PCDH11X: variants seen among roughly 807,000 people sequenced by gnomAD.
The protein encoded by PCDH11X is protocadherin-11 X-linked.
Under a neutral mutation model 53.3 loss-of-function variants are expected in PCDH11X, and 18 were observed. The ratio of observed to expected loss-of-function variants is 0.34; its 90% CI spans 0.23 to 0.50. The LOEUF (loss-of-function observed/expected upper bound fraction) is 0.50. Among genes scored for constraint, PCDH11X ranks in the 20% least tolerant of loss-of-function variants. The pLI is 0.98. For missense variants in PCDH11X, 570 were observed against 1,032.4 expected, an observed-to-expected ratio of 0.55 and a Z score of 6.14; for synonymous variants, 279 against 393.3, an observed-to-expected ratio of 0.71 and a Z score of 3.44.
At chrX:91,865,037 G>A (rs1938890654) in intron 5 of PCDH11X, among the ~76,000 whole-genome samples, 1 of 110,596 alleles carries the variant, frequency 9.0e-6, no homozygotes, top group Non-Finnish European at 1.9e-5. Context: ...TAGTTCATTT[G>A]GTGCGATCAC....
chrX:92,401,224 A>G (rs1170999786), intron 9 of PCDH11X, among the ~76,000 whole-genome samples: 19 of 106,548 alleles, frequency 1.8e-4, no homozygotes, highest in Non-Finnish European at 3.4e-4. Flanking sequence ...TTGCAAACTT[A>G]TAATCAGGCT....
intron 6 of PCDH11X, among the ~76,000 whole-genome samples, chrX:92,186,396 A>C (rs1157593397): frequency 9.0e-6 from 1 of 111,560 alleles, no homozygotes; most frequent in Non-Finnish European, 1.9e-5. Flanking sequence ...TTGGGAGGCC[A>C]AGGCGGGTGC....
intron 10 of PCDH11X, among the ~76,000 whole-genome samples, chrX:92,554,896 C>T (rs1392015990): frequency 9.0e-6 from 1 of 111,273 alleles, no homozygotes; most frequent in Non-Finnish European, 1.9e-5. Flanking sequence ...CCACTTCCCA[C>T]CAAACTTTCC....
At chrX:92,464,742 T>C (rs1280540151) in intron 9 of PCDH11X, among the ~76,000 whole-genome samples, 1 of 110,166 alleles carries the variant, frequency 9.1e-6, no homozygotes, top group African/African-American at 3.3e-5. Context: ...TTGCACTCAA[T>C]AGGAGATTCA....
At chrX:91,790,261 G>T (rs1165419643) in intron 1 of PCDH11X, among the ~76,000 whole-genome samples, 1 of 112,245 alleles carries the variant, frequency 8.9e-6, no homozygotes, top group Admixed American at 9.4e-5. Context: ...CCATTTTGCA[G>T]TCAAATCTAT....
At chrX:92,261,195 A>C (rs2067708425) in intron 7 of PCDH11X, among the ~76,000 whole-genome samples, 1 of 111,129 alleles carries the variant, frequency 9.0e-6, no homozygotes, top group South Asian at 3.8e-4. Flanking sequence ...ATGCACTAGA[A>C]GCTACTCATT....
chrX:92,568,773 A>G lies in PCDH11X; in HGVS notation c.3368-49491A>G, dbSNP rs1921833724. On this transcript the variant is annotated intron_variant, in intron 10 of 10. Transcript: ENST00000682573. ...AAAAAAAATTATAATAAAACTGAGA[A>G]GGAGTCAATAACGAAACATTCAAAG... Among the ~76,000 whole-genome samples the G allele has an allele frequency of 2.7e-5, 3 of 111,210 alleles. No homozygotes were observed. In the Admixed American group the frequency reaches 2.9e-4, roughly 11 times the overall value.
rs1462055650 is a variant in PCDH11X, at chrX:91,904,689, T to C, written c.3033+25416T>C. Among the ~76,000 whole-genome samples, 3 of 111,242 alleles carry C rather than the reference T, an allele frequency of 2.7e-5. No homozygotes were observed. In the Admixed American group the frequency reaches 2.9e-4, roughly 11 times the overall value. Reference sequence around the variant, plus strand: ...GCTCATTTTTTATTTTATTAAATACTCTTCTCAAATAGGATGTTTGATAGC... The same window carrying C: ...GCTCATTTTTTATTTTATTAAATACCCTTCTCAAATAGGATGTTTGATAGC... On this transcript the variant is annotated intron_variant, in intron 6 of 10. Coordinates refer to ENST00000682573, the MANE Select transcript of PCDH11X (RefSeq NM_032968.5).
chrX:92,281,484 A>C (rs2068250682), intron 8 of PCDH11X, among the ~76,000 whole-genome samples: 1 of 112,352 alleles, frequency 8.9e-6, no homozygotes, highest in Non-Finnish European at 1.9e-5. Context: ...GATTATCTTT[A>C]CTAAGTTGGA....
intron 7 of PCDH11X, among the ~76,000 whole-genome samples, chrX:92,230,003 A>C (rs2067037934): frequency 9.0e-6 from 1 of 110,755 alleles, no homozygotes; most frequent in African/African-American, 3.3e-5. Flanking sequence ...CAAGTTTAGA[A>C]ACCCGGAAAT....
chrX:92,061,057 C>T (rs1317462017), intron 6 of PCDH11X, among the ~76,000 whole-genome samples: 2 of 111,672 alleles, frequency 1.8e-5, no homozygotes, highest in Non-Finnish European at 3.8e-5. Flanking sequence ...TTGTAGTTTT[C>T]ATTTGCATTT....
chrX:91,829,548 C>T (rs1252084764), intron 4 of PCDH11X, among the ~76,000 whole-genome samples: 6 of 109,914 alleles, frequency 5.5e-5, no homozygotes, highest in Non-Finnish European at 1.1e-4. Flanking sequence ...ACCCCTTGAT[C>T]TCTTTAATTT....
chrX:92,477,968 G>C (rs1569493546), intron 10 of PCDH11X, among the ~76,000 whole-genome samples: 2 of 108,477 alleles, frequency 1.8e-5, no homozygotes, highest in Non-Finnish European at 3.8e-5. Context: ...TTTCCAGGGA[G>C]GAACATGTAA....
intron 10 of PCDH11X, among the ~76,000 whole-genome samples, chrX:92,565,217 C>T: frequency 1.2e-5 from 1 of 81,712 alleles, no homozygotes; most frequent in African/African-American, 4.4e-5. Context: ...TTGGAGGTTC[C>T]TCAAAAATAA....
In PCDH11X at chrX:91,788,641, A is replaced by G. The variant is rs1320728002; in HGVS notation, c.-379+8957A>G. On this transcript the variant is annotated intron_variant, in intron 1 of 10. Transcript: ENST00000682573. ...ATGCCAGGGCATATGTGCGTTTGTTAGGGAGTATGGGTCAGGCAAAGGTAG... is the reference window on the plus strand; with the variant it reads ...ATGCCAGGGCATATGTGCGTTTGTTGGGGAGTATGGGTCAGGCAAAGGTAG... Among the ~76,000 whole-genome samples the G allele has an allele frequency of 2.7e-5, 3 of 112,340 alleles. No homozygotes were observed. The East Asian group carries it at 8.4e-4, about 31-fold the overall frequency.
At chrX:92,339,637 C>A (rs2069704884) in intron 8 of PCDH11X, among the ~76,000 whole-genome samples, 1 of 109,070 alleles carries the variant, frequency 9.2e-6, no homozygotes, top group African/African-American at 3.3e-5. Flanking sequence ...TTTTAAATAG[C>A]CAGATCTGAC....
chrX:92,356,975 T>C (rs919135833), intron 8 of PCDH11X, among the ~76,000 whole-genome samples: 3 of 111,460 alleles, frequency 2.7e-5, no homozygotes, highest in African/African-American at 9.8e-5. Flanking sequence ...ATGTGGCTCC[T>C]GTGCAACAGT....
intron 6 of PCDH11X, among the ~76,000 whole-genome samples, chrX:91,972,753 G>A (rs1399469364): frequency 4.6e-5 from 5 of 109,420 alleles, no homozygotes; most frequent in South Asian, 4.1e-4. Context: ...AAGATCAGAT[G>A]GTTGTAGATA....
chrX:91,991,568 G>A (rs2062325135), intron 6 of PCDH11X, among the ~76,000 whole-genome samples: 1 of 91,117 alleles, frequency 1.1e-5, no homozygotes, highest in Admixed American at 1.2e-4. Flanking sequence ...TCTCTTTTTT[G>A]TTAATCCTAT....
Sources: allele counts gnomAD v4.1 joint callset (sites outside exome capture counted in the v4.1 genomes callset), GRCh38; gene constraint gnomAD v4.1.1; transcripts MANE v1.5; gene names NCBI Gene and HGNC (gene_info 2026-07-23, HGNC 2026-07-21).